Variants in REDIC1 observed in about 807,000 individuals in gnomAD.
REDIC1 encodes regulator of DNA class I crossover intermediates 1, also known as HEI10 Interacting Protein 1.
chr12:39,716,250 AACTTT>A, the REDIC1 span, among the ~76,000 whole-genome samples: 1 of 151,974 alleles, frequency 6.6e-6, no homozygotes, highest in Non-Finnish European at 1.5e-5. Flanking sequence ...CCCATTTTAA[AACTTT>A]ACTTGCAATT....
At chr12:39,899,014 T>G in the REDIC1 span, among the ~76,000 whole-genome samples, 1 of 152,198 alleles carries the variant, frequency 6.6e-6, no homozygotes, top group African/African-American at 2.4e-5. Context: ...TTAGGGAGGA[T>G]TCCCTCTTTT....
the REDIC1 span, among the ~76,000 whole-genome samples, chr12:39,848,141 C>A: frequency 1.3e-5 from 2 of 152,140 alleles, no homozygotes; most frequent in South Asian, 2.1e-4. Context: ...GACAAAGATA[C>A]CAAAACCAAT....
chr12:39,813,992 C>T, the REDIC1 span, among the ~76,000 whole-genome samples: 333 of 152,252 alleles, frequency 2.2e-3, no homozygotes, highest in Non-Finnish European at 3.6e-3. Flanking sequence ...TGAGTGATTT[C>T]GTATATTACT....
At chr12:39,782,018 A>G in the REDIC1 span, among the ~76,000 whole-genome samples, 2 of 152,192 alleles carry the variant, frequency 1.3e-5, no homozygotes, top group Non-Finnish European at 2.9e-5. Flanking sequence ...TCTAGGCTCT[A>G]TCTTGGATTC....
the REDIC1 span, chr12:39,754,471 C>G: frequency 2.0e-5 from 3 of 152,108 alleles, no homozygotes; most frequent in Non-Finnish European, 2.9e-5. Context: ...GGTCTAGAGT[C>G]TTCAGAAGAT....
chr12:39,865,664 A>T, the REDIC1 span, among the ~76,000 whole-genome samples: 1 of 152,242 alleles, frequency 6.6e-6, no homozygotes, highest in African/African-American at 2.4e-5. Flanking sequence ...GGAAGAATGG[A>T]GAAAGAAAAT....
chr12:39,898,507 CCT>C, the REDIC1 span, among the ~76,000 whole-genome samples: 1 of 152,082 alleles, frequency 6.6e-6, no homozygotes. Flanking sequence ...GCTTTTCCCC[CCT>C]CTATCATTGA....
the REDIC1 span, chr12:39,864,861 A>AT: frequency 6.2e-7 from 1 of 1,613,864 alleles, no homozygotes; most frequent in Non-Finnish European, 8.5e-7. Context: ...CAAGGCAAGA[A>AT]TAATGAGTGC....
chr12:39,812,337 T>TTTTTCTTTTCTTTTC, the REDIC1 span, among the ~76,000 whole-genome samples: 7,386 of 135,034 alleles, frequency 0.055, 297 homozygotes, highest in South Asian at 0.066. Context: ...ACTAATTTCT[T>TTTTTCTTTTCTTTTC]TTTTCTTTTC....
At chr12:39,812,666 T>C in the REDIC1 span, among the ~76,000 whole-genome samples, 2 of 151,690 alleles carry the variant, frequency 1.3e-5, no homozygotes, top group African/African-American at 4.8e-5. Flanking sequence ...AGAGATGAGG[T>C]TTCACCATGT....
chr12:39,677,736 A>C, the REDIC1 span, among the ~76,000 whole-genome samples: 1 of 152,212 alleles, frequency 6.6e-6, no homozygotes, highest in African/African-American at 2.4e-5. Flanking sequence ...AATTATATCA[A>C]GTACTCTCTC....
At chr12:39,706,818 C>A in the REDIC1 span, among the ~76,000 whole-genome samples, 22 of 151,964 alleles carry the variant, frequency 1.4e-4, no homozygotes, top group Non-Finnish European at 2.8e-4. Flanking sequence ...AAGAATGAAA[C>A]TAGACCCCTG....
chr12:39,822,370 T>C, the REDIC1 span, among the ~76,000 whole-genome samples: 17 of 152,116 alleles, frequency 1.1e-4, no homozygotes, highest in Non-Finnish European at 1.8e-4. Context: ...GGCAATATGA[T>C]TCCCACGCCT....
the REDIC1 span, among the ~76,000 whole-genome samples, chr12:39,780,591 C>G: frequency 6.6e-6 from 1 of 152,078 alleles, no homozygotes; most frequent in East Asian, 1.9e-4. Context: ...CCCAAAAGCT[C>G]AAAACAATAA....
At chr12:39,701,950 G>A in the REDIC1 span, among the ~76,000 whole-genome samples, 5 of 152,008 alleles carry the variant, frequency 3.3e-5, no homozygotes, top group African/African-American at 1.2e-4. Flanking sequence ...GTGTGTAGGG[G>A]GAAATTTCTA....
the REDIC1 span, among the ~76,000 whole-genome samples, chr12:39,672,762 A>T: frequency 6.6e-6 from 1 of 152,142 alleles, no homozygotes; most frequent in Non-Finnish European, 1.5e-5. Flanking sequence ...TGCAGCACCC[A>T]TCTAGATGGA....
chr12:39,792,630 G>T, the REDIC1 span, among the ~76,000 whole-genome samples: 2 of 152,060 alleles, frequency 1.3e-5, no homozygotes, highest in Non-Finnish European at 2.9e-5. Flanking sequence ...GATCCCTGTG[G>T]ATACCAAAAC....
the REDIC1 span, among the ~76,000 whole-genome samples, chr12:39,738,231 C>CCA: frequency 1.1e-4 from 17 of 152,274 alleles, 1 homozygote; most frequent in Admixed American, 1.1e-3. Flanking sequence ...AGTCTGTTTT[C>CCA]CTGTTGCATG....
the REDIC1 span, among the ~76,000 whole-genome samples, chr12:39,881,917 C>T: frequency 2.6e-5 from 4 of 152,082 alleles, no homozygotes; most frequent in Admixed American, 6.6e-5. Flanking sequence ...TCATGATTCT[C>T]GGTGACAGTG....
Sources: gnomAD v4.1 joint callset for allele counts (sites outside exome capture counted in the v4.1 genomes callset) on GRCh38, gnomAD v4.1.1 for gene constraint, MANE v1.5 for transcripts, NCBI Gene and HGNC (gene_info 2026-07-23, HGNC 2026-07-21) for gene names.